Variants in GMDS observed in about 807,000 individuals in gnomAD.
GMDS encodes the protein GDP-mannose 4,6-dehydratase, also known as GDP-mannose 4,6 dehydratase.
A neutral mutation model predicts 49.9 loss-of-function variants in GMDS; 20 were observed. The observed-to-expected ratio is 0.40, with a 90% CI of 0.28 to 0.58. The LOEUF is 0.58. Ranked by LOEUF, GMDS falls within the 20% of genes least tolerant of loss-of-function variation. The pLI, the probability that GMDS is intolerant of heterozygous loss-of-function variation, is 0.42. For missense variants in GMDS, 362 were observed against 481.4 expected (o/e 0.75, Z 2.32); for synonymous variants, 177 against 178.6 (o/e 0.99, Z 0.07).
At chr6:2,041,561 G>A (rs1044343174) in intron 4 of GMDS, among the ~76,000 whole-genome samples, 1 of 152,266 alleles carries the variant, frequency 6.6e-6, no homozygotes, top group Admixed American at 6.5e-5. Context: ...ACTAACATGT[G>A]CTACAGACAG....
chr6:1,681,810 T>C (rs2814817), intron 9 of GMDS, among the ~76,000 whole-genome samples: 134,669 of 152,328 alleles, frequency 0.88, 59,772 homozygotes, highest in Middle Eastern at 0.95. Flanking sequence ...ATCCTCCCAT[T>C]TCAGCCTCCT....
At chr6:1,681,821 G>A (rs1263711781) in intron 9 of GMDS, among the ~76,000 whole-genome samples, 2 of 152,212 alleles carry the variant, frequency 1.3e-5, no homozygotes, top group Admixed American at 6.5e-5. Flanking sequence ...TCAGCCTCCT[G>A]AGTAGATGGG....
intron 1 of GMDS, among the ~76,000 whole-genome samples, chr6:2,128,807 T>C (rs1278996723): frequency 6.6e-6 from 1 of 152,190 alleles, no homozygotes; most frequent in Non-Finnish European, 1.5e-5. Flanking sequence ...AGAGAAGTCA[T>C]GTAATTTTAG....
intron 7 of GMDS, among the ~76,000 whole-genome samples, chr6:1,805,620 T>G (rs1470430751): frequency 6.6e-6 from 1 of 152,246 alleles, no homozygotes; most frequent in Admixed American, 6.5e-5. Flanking sequence ...AACTGTCTTC[T>G]GTTAATGCAG....
At chr6:1,904,073 G>T (rs1430821496) in intron 7 of GMDS, among the ~76,000 whole-genome samples, 1 of 152,206 alleles carries the variant, frequency 6.6e-6, no homozygotes, top group Non-Finnish European at 1.5e-5. Context: ...GAAAAGCGCT[G>T]TTGAATGTTG....
chr6:2,059,707 CAAAA>C lies in GMDS; in HGVS notation c.345+56060_345+56063del, dbSNP rs35230658. On this transcript the variant is annotated intron_variant, in intron 4 of 10. Transcript: ENST00000380815. ...TGGGCGACAGAGCGAGACTCCGTCT[CAAAA>C]AAAAAAAAAAAAAAAATGCACTACT... 5.2e-3 allele frequency among the ~76,000 whole-genome samples: 93 copies of C among 17,776 alleles called. 6 individuals are homozygous for C. Among genetic ancestry groups the C allele is most frequent in the Non-Finnish European group, 8.2e-3 (80 of 9,796 alleles). 11.7% of individuals were successfully genotyped at this position (17,776 alleles called of 152,430 possible). A position where few individuals can be genotyped will look rare whatever the true frequency, so the allele number is the denominator to read the frequency against.
At chr6:2,235,642 CAA>C (rs112768201) in intron 1 of GMDS, among the ~76,000 whole-genome samples, 1 of 116,968 alleles carries the variant, frequency 8.5e-6, no homozygotes, top group Non-Finnish European at 1.8e-5. Context: ...CCCATCTTAA[CAA>C]AAAAAAAAAA....
At chr6:1,674,486 C>T (rs1330526266) in intron 9 of GMDS, among the ~76,000 whole-genome samples, 1 of 149,880 alleles carries the variant, frequency 6.7e-6, no homozygotes, top group Non-Finnish European at 1.5e-5. Flanking sequence ...TTTTCACACT[C>T]TTAACAGTGT....
intron 4 of GMDS, among the ~76,000 whole-genome samples, chr6:1,994,856 A>G (rs1353805239): frequency 6.6e-6 from 1 of 152,180 alleles, no homozygotes; most frequent in Non-Finnish European, 1.5e-5. Flanking sequence ...TCTCCTACTT[A>G]AAAAAGTCAT....
chr6:2,077,957 T>C (rs671240), intron 4 of GMDS, among the ~76,000 whole-genome samples: 53,537 of 151,752 alleles, frequency 0.35, 10,506 homozygotes, highest in African/African-American at 0.55. Flanking sequence ...TATGACTTTG[T>C]TACTGGTTAT....
chr6:1,926,929 C>CT (rs1762034665), intron 7 of GMDS, among the ~76,000 whole-genome samples: 1 of 152,202 alleles, frequency 6.6e-6, no homozygotes, highest in Admixed American at 6.5e-5. Flanking sequence ...AATGACCTAA[C>CT]TTTCTATCTG....
At chr6:2,158,550 G>A (rs778123822) in intron 1 of GMDS, among the ~76,000 whole-genome samples, 1 of 152,184 alleles carries the variant, frequency 6.6e-6, no homozygotes, top group Non-Finnish European at 1.5e-5. Flanking sequence ...TAATGTTTCA[G>A]AAGACATCAA....
chr6:1,833,759 T>C lies in GMDS; in HGVS notation c.772-91173A>G, dbSNP rs575060016. ...GGGCAGTGGGTTGAAAGATCCTCAT[T>C]ATTCAAGAGAAGGGAAATTTATGAA... On this transcript the variant is annotated intron_variant, in intron 7 of 10. Transcript: ENST00000380815. The surrounding 1 kb of genome is among the most constrained non-coding windows in gnomAD (Gnocchi z 4.4). Among the ~76,000 whole-genome samples, 3 of 152,308 alleles carry C rather than the reference T, an allele frequency of 2.0e-5. No homozygotes were observed. In the South Asian group the frequency reaches 6.2e-4, roughly 32 times the overall value.
At chr6:1,720,340 A>C (rs1766336502) in intron 9 of GMDS, among the ~76,000 whole-genome samples, 1 of 152,220 alleles carries the variant, frequency 6.6e-6, no homozygotes, top group African/African-American at 2.4e-5. Context: ...GGAATATTTA[A>C]GAATCAACTG....
intron 4 of GMDS, among the ~76,000 whole-genome samples, chr6:1,996,055 C>T (rs143428493): frequency 1.8e-3 from 273 of 152,190 alleles, no homozygotes; most frequent in African/African-American, 6.4e-3. Flanking sequence ...GGGATAGCCT[C>T]TTCTTTTCTT....
intron 7 of GMDS, among the ~76,000 whole-genome samples, chr6:1,852,338 G>A (rs1385706373): frequency 6.6e-6 from 1 of 152,180 alleles, no homozygotes; most frequent in African/African-American, 2.4e-5. Flanking sequence ...TTTACAGTAT[G>A]TCCTTTTGTT....
chr6:2,232,055 G>A (rs977770922), intron 1 of GMDS, among the ~76,000 whole-genome samples: 2 of 152,056 alleles, frequency 1.3e-5, no homozygotes, highest in Non-Finnish European at 2.9e-5. Context: ...TGAAAAAAAT[G>A]GAAATGAGAA....
intron 7 of GMDS, among the ~76,000 whole-genome samples, chr6:1,902,670 C>T (rs939194285): frequency 2.6e-5 from 4 of 152,098 alleles, no homozygotes; most frequent in Admixed American, 6.5e-5. Flanking sequence ...CTATATATGA[C>T]GACTCACAAT....
rs918210502 is a variant in GMDS at position 1,971,828 on chromosome 6, T to C, written c.346-10862A>G. ...TTTACATTTTAGCCACAGAGGCGAATTGGAGCTCTCACAAGTCAGAGTAGA... is the reference window on the plus strand; with the variant it reads ...TTTACATTTTAGCCACAGAGGCGAACTGGAGCTCTCACAAGTCAGAGTAGA... On this transcript the variant is annotated intron_variant, in intron 4 of 10. Transcript: ENST00000380815. Among the ~76,000 whole-genome samples the C allele has an allele frequency of 6.6e-5, 10 of 152,340 alleles. No homozygotes were observed. The East Asian group carries it at 1.2e-3, about 18-fold the overall frequency.
Sources: gnomAD v4.1 joint callset for allele counts (sites outside exome capture counted in the v4.1 genomes callset) on GRCh38, gnomAD v4.1.1 for gene constraint, Gnocchi (gnomAD v3.1) non-coding constraint, MANE v1.5 for transcripts, NCBI Gene and HGNC (gene_info 2026-07-23, HGNC 2026-07-21) for gene names.